Variants in FOXN3 observed in about 807,000 individuals in gnomAD.
FOXN3 encodes forkhead box protein N3.
FOXN3 carries 7 observed loss-of-function variants against 38.4 expected under a neutral mutation model. The observed-to-expected ratio is 0.18, with a 90% CI of 0.10 to 0.34. The LOEUF is 0.34. FOXN3 is among the 10% of genes least tolerant of loss of function. The pLI, the probability that FOXN3 is intolerant of heterozygous loss-of-function variation, is 1.00. For missense variants in FOXN3, 456 were observed against 613.4 expected, an observed-to-expected ratio of 0.74 and a Z score of 2.71; for synonymous variants, 230 against 242.2, an observed-to-expected ratio of 0.95 and a Z score of 0.47.
At chr14:89,325,097 T>C (rs1888011567) in intron 3 of FOXN3, among the ~76,000 whole-genome samples, 1 of 152,164 alleles carries the variant, frequency 6.6e-6, no homozygotes, top group Non-Finnish European at 1.5e-5. Context: ...AAGCCACATG[T>C]GGCTAGTGAC....
chr14:89,246,542 CTT>C lies in FOXN3; in HGVS notation c.745+34406_745+34407del, dbSNP rs755916666. On this transcript the variant is annotated intron_variant, in intron 4 of 5. Transcript: ENST00000557258. ...TTCTCATCTTATTTGCAGGATGCGGCTTTTTTTTTTTTTTTTTTGAGACAGTC... is the reference window on the plus strand; with the variant it reads ...TTCTCATCTTATTTGCAGGATGCGGCTTTTTTTTTTTTTTTTGAGACAGTC... Among the ~76,000 whole-genome samples, 4 of 83,986 alleles carry C rather than the reference CTT, an allele frequency of 4.8e-5. No homozygotes were observed. In the Admixed American group the frequency reaches 6.9e-4, roughly 14 times the overall value. 55.1% of individuals were successfully genotyped at this position (83,986 alleles called of 152,430 possible). A position where few individuals can be genotyped will look rare whatever the true frequency, so the allele number is the denominator to read the frequency against.
chr14:89,280,909 G>A, intron 4 of FOXN3, 41 bp downstream of exon 4: 6 of 1,555,814 alleles, frequency 3.9e-6, no homozygotes, highest in Non-Finnish European at 4.4e-6. Context: ...AGGCGGGTGG[G>A]TGAGGGGGAG....
intron 1 of FOXN3, among the ~76,000 whole-genome samples, chr14:89,557,710 G>T (rs558796018): frequency 6.6e-6 from 1 of 152,244 alleles, no homozygotes; most frequent in South Asian, 2.1e-4. Context: ...TGTTATGCAA[G>T]AATGAGGTAC....
At chr14:89,479,185 C>T (rs1893274250) in intron 1 of FOXN3, among the ~76,000 whole-genome samples, 1 of 152,122 alleles carries the variant, frequency 6.6e-6, no homozygotes, top group African/African-American at 2.4e-5. Flanking sequence ...CACCCTGCCA[C>T]AAGCTACAGC....
At chr14:89,480,306 A>G (rs557055496) in intron 1 of FOXN3, among the ~76,000 whole-genome samples, 12 of 152,166 alleles carry the variant, frequency 7.9e-5, no homozygotes, top group African/African-American at 2.9e-4. Context: ...GGGAGGCTGA[A>G]GCAGGAGAAT....
intron 4 of FOXN3, among the ~76,000 whole-genome samples, chr14:89,235,182 G>A (rs1046648685): frequency 4.4e-4 from 67 of 152,310 alleles, no homozygotes; most frequent in African/African-American, 1.5e-3. Flanking sequence ...ACAGAATGGA[G>A]AGTAATGCCT....
chr14:89,515,159 G>A (rs574339830), intron 1 of FOXN3, among the ~76,000 whole-genome samples: 1 of 151,950 alleles, frequency 6.6e-6, no homozygotes, highest in Admixed American at 6.5e-5. Flanking sequence ...CTGACCTCAA[G>A]TGACCTGCCC....
intron 1 of FOXN3, among the ~76,000 whole-genome samples, chr14:89,608,159 T>C (rs1273648472): frequency 1.9e-4 from 6 of 30,908 alleles, no homozygotes; most frequent in African/African-American, 6.3e-4. Context: ...TTTATATTTT[T>C]AGTAGAGATG....
At chr14:89,265,874 C>T (rs1885964515) in intron 4 of FOXN3, among the ~76,000 whole-genome samples, 1 of 152,130 alleles carries the variant, frequency 6.6e-6, no homozygotes, top group Non-Finnish European at 1.5e-5. Flanking sequence ...CCAAGAGGCC[C>T]AGAATCTTAG....
At position 89,454,125 on chromosome 14, in the gene FOXN3, G is replaced by A. The variant is rs1358263766; in HGVS notation, c.-14-41635C>T. Among the ~76,000 whole-genome samples, 5 of 152,178 alleles carry A rather than the reference G, an allele frequency of 3.3e-5. 1 individual carries two copies. The South Asian group carries it at 8.3e-4, about 25-fold the overall frequency. On this transcript the variant is annotated intron_variant, in intron 1 of 6. Transcript: ENST00000345097. ...TTGAGACCAGCCTGGCCAACATGGC[G>A]AAACCCTGTCTCTTCTAAAAATACA...
intron 1 of FOXN3, among the ~76,000 whole-genome samples, chr14:89,532,668 T>C (rs928170863): frequency 3.3e-5 from 5 of 152,222 alleles, no homozygotes; most frequent in Non-Finnish European, 1.5e-5. Flanking sequence ...GAGGATCCTA[T>C]TTAGAATGAT....
intron 4 of FOXN3, among the ~76,000 whole-genome samples, chr14:89,224,913 G>A (rs371085233): frequency 6.6e-5 from 10 of 151,958 alleles, no homozygotes; most frequent in East Asian, 3.9e-4. Context: ...GGCGGATCAC[G>A]AGGTCAGGAG....
rs184322009 is a variant in FOXN3 at position 89,180,235 on chromosome 14, C to T, written c.851+466G>A. Among the ~76,000 whole-genome samples the T allele has an allele frequency of 2.1e-4, 32 of 152,326 alleles. No individual in the cohort carries two copies. The East Asian group carries it at 4.8e-3, about 23-fold the overall frequency. The stretch of plus-strand genomic sequence containing the variant: ...GATGCCACCTGCTATTTATAGACCA[C>T]GTACCAAAGCTCGCCTCACATCTGA... On this transcript the variant is annotated intron_variant, in intron 5 of 5. Transcript: ENST00000557258.
chr14:89,480,442 ATGCTGAACTCAGTG>A (rs1445570753), intron 1 of FOXN3, among the ~76,000 whole-genome samples: 45 of 152,206 alleles, frequency 3.0e-4, no homozygotes, highest in African/African-American at 1.1e-3. Context: ...ACAGGAAACC[ATGCTGAACTCAGTG>A]TGTTGACTTT....
intron 3 of FOXN3, among the ~76,000 whole-genome samples, chr14:89,308,986 C>A (rs536866907): frequency 1.2e-4 from 19 of 152,194 alleles, no homozygotes; most frequent in Non-Finnish European, 2.5e-4. Context: ...GCACTAGTTC[C>A]CTTGAGGCCT....
At chr14:89,228,413 T>A (rs144844260) in intron 4 of FOXN3, among the ~76,000 whole-genome samples, 3 of 152,340 alleles carry the variant, frequency 2.0e-5, no homozygotes, top group African/African-American at 7.2e-5. Flanking sequence ...TCTGGGAAAC[T>A]AACAAGGTCA....
At chr14:89,478,207 C>T (rs959619808) in intron 1 of FOXN3, among the ~76,000 whole-genome samples, 37 of 152,126 alleles carry the variant, frequency 2.4e-4, no homozygotes, top group African/African-American at 8.5e-4. Context: ...CGCCATGTGA[C>T]GTGCCTGCCC....
At chr14:89,421,528 A>AGATTTTTTTT (rs56659540), upstream of FOXN3, among the ~76,000 whole-genome samples, 1 of 144,750 alleles carries the variant, frequency 6.9e-6, no homozygotes. Flanking sequence ...ACCCAGGGAA[A>AGATTTTTTTT]TTTTTTTTTT....
chr14:89,350,863 C>A, intron 2 of FOXN3, 55 bp from the exon 3 acceptor site: 2 of 1,313,518 alleles, frequency 1.5e-6, no homozygotes, highest in Non-Finnish European at 2.0e-6. Context: ...AAGTACTTTG[C>A]AATAAGTAGA....
Sources: gnomAD v4.1 joint callset for allele counts (sites outside exome capture counted in the v4.1 genomes callset) on GRCh38, gnomAD v4.1.1 for gene constraint, MANE v1.5 for transcripts, NCBI Gene and HGNC (gene_info 2026-07-23, HGNC 2026-07-21) for gene names.